GPAT3: variants seen among roughly 807,000 people sequenced by gnomAD.
GPAT3 encodes glycerol-3-phosphate acyltransferase 3.
GPAT3 carries 53 observed loss-of-function variants against 58.8 expected under a neutral mutation model. That is an observed-to-expected ratio of 0.90 (90% CI 0.72 to 1.13). The LOEUF is 1.13. Among genes scored for constraint, GPAT3 ranks in the 50% most tolerant of loss-of-function variants. GPAT3 has a pLI of 0.00. For missense variants in GPAT3, 511 were observed against 527.6 expected (o/e 0.97, Z 0.31); for synonymous variants, 197 against 187.4 (o/e 1.05, Z -0.42).
chr4:83,583,491 A>C (rs1248006202), intron 3 of GPAT3, among the ~76,000 whole-genome samples: 1 of 151,416 alleles, frequency 6.6e-6, no homozygotes, highest in Non-Finnish European at 1.5e-5. Context: ...AACATGGTGA[A>C]ACCCCATCTC....
intron 2 of GPAT3, among the ~76,000 whole-genome samples, chr4:83,558,089 C>G (rs1218832229): frequency 1.3e-5 from 2 of 152,012 alleles, no homozygotes; most frequent in Non-Finnish European, 2.9e-5. Context: ...TGGTGCATGC[C>G]TGTAATCTCA....
At position 83,569,366 on chromosome 4, in the gene GPAT3, A is replaced by G. The variant is rs1387935598; in HGVS notation, c.209-12196A>G. On this transcript the variant is annotated intron_variant, in intron 2 of 11. Transcript: ENST00000264409. ...AAACCTGGAGTGATGACTGAGAAGAATATAGCAGGGCTGCTTGGCTCTTTG... is the reference window on the plus strand; with the variant it reads ...AAACCTGGAGTGATGACTGAGAAGAGTATAGCAGGGCTGCTTGGCTCTTTG... Among the ~76,000 whole-genome samples the G allele has an allele frequency of 2.0e-5, 3 of 152,342 alleles. No homozygotes were observed. The South Asian group carries it at 6.2e-4, about 32-fold the overall frequency.
chr4:83,598,442 A>T, intron 10 of GPAT3: 2 of 698,170 alleles, frequency 2.9e-6, no homozygotes, highest in Non-Finnish European at 4.8e-6. Context: ...TAATAAATAT[A>T]TGCACATGGT....
At chr4:83,588,920 T>A (rs1415605240) in intron 5 of GPAT3, among the ~76,000 whole-genome samples, 1 of 152,266 alleles carries the variant, frequency 6.6e-6, no homozygotes, top group East Asian at 1.9e-4. Context: ...TTTTCTATTA[T>A]CTTAATTTTT....
chr4:83,596,439 G>A (rs1726841129), intron 7 of GPAT3, among the ~76,000 whole-genome samples: 1 of 152,096 alleles, frequency 6.6e-6, no homozygotes, highest in Non-Finnish European at 1.5e-5. Context: ...TGGGCAACAT[G>A]GTGAAATGCC....
chr4:83,598,751 C>CATTTTT, intron 11 of GPAT3, 28 bp downstream of exon 11: 1 of 150,718 alleles, frequency 6.6e-6, no homozygotes, highest in Non-Finnish European at 1.2e-5. Context: ...AGTACTATCA[C>CATTTTT]TTTTTTTTTT....
intron 2 of GPAT3, among the ~76,000 whole-genome samples, chr4:83,578,967 TC>T: frequency 7.9e-6 from 1 of 126,040 alleles, no homozygotes; most frequent in Non-Finnish European, 1.6e-5. Flanking sequence ...TTTCTTTCTT[TC>T]TTTCTTTCTT....
Position 83,536,609 on chromosome 4 carries a change from G to A in GPAT3, c.-14G>A, listed in dbSNP as rs778476923. 3.7e-6 allele frequency: 6 copies of A among 1,610,666 alleles called. No homozygotes were observed. Among genetic ancestry groups the A allele is most frequent in the Non-Finnish European group, 5.1e-6 (6 of 1,179,198 alleles). The stretch of plus-strand genomic sequence containing the variant: ...CCTCCACTGCGGACCTCTCCTGAGT[G>A]GGTGCGCCGAGTCATGGAGGGCGCA... On this transcript the variant is annotated 5_prime_UTR_variant, in exon 1 of 12. Coordinates refer to ENST00000264409, the MANE Select transcript of GPAT3 (RefSeq NM_032717.5).
Position 83,581,674 on chromosome 4 carries a change from T to A in GPAT3, c.321T>A (p.Ile107=). The A allele has an allele frequency of 2.5e-6, 4 of 1,614,156 alleles. No homozygotes were observed. Among genetic ancestry groups the A allele is most frequent in the Non-Finnish European group, 3.4e-6 (4 of 1,180,016 alleles). Residue 107 remains isoleucine, a synonymous_variant, in exon 3 of 12, where the codon ATT becomes ATA. Coordinates refer to ENST00000264409, the MANE Select transcript of GPAT3 (RefSeq NM_032717.5). Reference sequence around the variant, plus strand: ...TCTCCAAGAAGGGATTGGAAGCCATTGTAGAAGATGAAGTGACCCAGAGGT... The same window carrying A: ...TCTCCAAGAAGGGATTGGAAGCCATAGTAGAAGATGAAGTGACCCAGAGGT... ...FYFSKKGLEA[I]VEDEVTQRFS...
chr4:83,578,023 A>C (rs1399013795), intron 2 of GPAT3, among the ~76,000 whole-genome samples: 2 of 151,102 alleles, frequency 1.3e-5, no homozygotes, highest in African/African-American at 4.9e-5. Flanking sequence ...CTGGTCTCAA[A>C]CTCCTGACCT....
At chr4:83,569,627 A>T (rs1007288155) in intron 2 of GPAT3, among the ~76,000 whole-genome samples, 3 of 152,230 alleles carry the variant, frequency 2.0e-5, no homozygotes, top group African/African-American at 7.2e-5. Flanking sequence ...ATGCCTGTGC[A>T]CTGATGTTAC....
At chr4:83,568,227 G>A (rs1392461658) in intron 2 of GPAT3, among the ~76,000 whole-genome samples, 1 of 152,090 alleles carries the variant, frequency 6.6e-6, no homozygotes, top group Non-Finnish European at 1.5e-5. Flanking sequence ...ACTAGGGGGA[G>A]CGTGAGTAGT....
Position 83,536,521 on chromosome 4 carries a change from G to A in GPAT3, c.-102G>A. On this transcript the variant is annotated 5_prime_UTR_variant, in exon 1 of 12. Coordinates refer to ENST00000264409, the MANE Select transcript of GPAT3 (RefSeq NM_032717.5). ...CTTCGCAGAGGTGAGTGCCGGGCTC[G>A]GCGCTCTGCTCCTGGAGCTCCCGCG... 6.6e-7 allele frequency: 1 copy of A among 1,513,196 alleles called. No individual in the cohort carries two copies. The highest frequency in any genetic ancestry group is 2.1e-5 in the Admixed American group (1 of 46,574). The allele number at this position is 1,513,196 out of a possible 1,614,324, so 93.7% of individuals were successfully genotyped here. A position where few individuals can be genotyped will look rare whatever the true frequency, so the allele number is the denominator to read the frequency against.
At chr4:83,550,754 A>C (rs1165292577) in intron 2 of GPAT3, among the ~76,000 whole-genome samples, 1 of 152,208 alleles carries the variant, frequency 6.6e-6, no homozygotes, top group Non-Finnish European at 1.5e-5. Context: ...TGGTTCACAA[A>C]AACATTTATT....
intron 2 of GPAT3, among the ~76,000 whole-genome samples, 163 bp downstream of exon 2, chr4:83,544,765 C>T (rs1294604859): frequency 2.0e-5 from 3 of 151,870 alleles, no homozygotes; most frequent in Non-Finnish European, 4.4e-5. Context: ...TTTTCATGGA[C>T]TTTTTATTGT....
chr4:83,579,081 C>CCTTTCCTTCCTTCCTT lies in GPAT3; in HGVS notation c.209-2480_209-2479insTTTCCTTCCTTCCTTC, dbSNP rs1560621462. Among the ~76,000 whole-genome samples the CCTTTCCTTCCTTCCTT allele has an allele frequency of 7.1e-4, 14 of 19,678 alleles. 2 individuals carry two copies. The highest frequency in any genetic ancestry group is 1.5e-3 in the African/African-American group (8 of 5,434). The allele number at this position is 19,678 out of a possible 152,430, so 12.9% of individuals were successfully genotyped here. On this transcript the variant is annotated intron_variant, in intron 2 of 11. Transcript: ENST00000264409. ...TTCTTTCTTTCTTTCTTTCTTTCTT[C>CCTTTCCTTCCTTCCTT]CCTTCCTTCCTTCCTTCCTTCCTTC...
chr4:83,598,424 AAAG>A, intron 10 of GPAT3: 1 of 693,316 alleles, frequency 1.4e-6, no homozygotes, highest in Non-Finnish European at 2.4e-6. Flanking sequence ...TAAGACTAAT[AAAG>A]AGCGTAATAA....
intron 1 of GPAT3, among the ~76,000 whole-genome samples, chr4:83,543,204 G>C (rs1724373238): frequency 6.6e-6 from 1 of 152,032 alleles, no homozygotes; most frequent in African/African-American, 2.4e-5. Flanking sequence ...GGAGGCTGAG[G>C]TGGGAGGATT....
intron 2 of GPAT3, among the ~76,000 whole-genome samples, chr4:83,552,370 C>G (rs997926395): frequency 2.0e-5 from 3 of 152,188 alleles, no homozygotes; most frequent in Admixed American, 6.5e-5. Flanking sequence ...CCTCACCCCA[C>G]CCCTGCTCAT....
Sources: gnomAD v4.1 joint callset for allele counts (sites outside exome capture counted in the v4.1 genomes callset) on GRCh38, gnomAD v4.1.1 for gene constraint, MANE v1.5 for transcripts, NCBI Gene and HGNC (gene_info 2026-07-23, HGNC 2026-07-21) for gene names.